The following MAGEA4 variants were observed in gnomAD, a reference collection of about 807,000 sequenced individuals.
MAGEA4 encodes MAGE family member A4, also known as melanoma-associated antigen 4.
Under a neutral mutation model 13.7 loss-of-function variants are expected in MAGEA4, and 1 was observed. The ratio of observed to expected loss-of-function variants is 0.07; its 90% CI spans 0.03 to 0.35. The LOEUF (loss-of-function observed/expected upper bound fraction) is 0.35. MAGEA4 is among the 10% of genes least tolerant of loss of function. MAGEA4 has a pLI of 0.99. For synonymous variants in MAGEA4, 132 were observed against 101.1 expected (o/e 1.31, Z -1.83); for missense variants, 312 against 245.1 (o/e 1.27, Z -1.82).
chrX:151,923,369 C>A, intron 1 of MAGEA4, 84 bp from the exon 2 acceptor site: 3 of 774,003 alleles, frequency 3.9e-6, no homozygotes, highest in Non-Finnish European at 5.5e-6. Context: ...AAGAGTCTGG[C>A]CTCACCTCCC....
At position 151,925,165 on chromosome X, in the gene MAGEA4, T is replaced by G. The variant is rs1174453114; in HGVS notation, c.*547T>G. ...TTAAATCTGAATAAATAATTCTTTC[T>G]GTTAACTGGCTCATTTCTTCTCTAT... On this transcript the variant is annotated 3_prime_UTR_variant, in exon 3 of 3. Transcript: ENST00000276344. 1 of 115,623 alleles carries G rather than the reference T, an allele frequency of 8.6e-6. No homozygotes were observed. The highest frequency in any genetic ancestry group is 3.2e-5 in the African/African-American group (1 of 30,888). The allele number at this position is 115,623 out of a possible 1,213,427, so 9.5% of individuals were successfully genotyped here. A position where few individuals can be genotyped will look rare whatever the true frequency, so the allele number is the denominator to read the frequency against.
rs774882003 is a variant in MAGEA4 at position 151,919,658 on chromosome X, G to C, written c.-137-3795G>C. On this transcript the variant is annotated intron_variant, in intron 1 of 2. Transcript: ENST00000276344. The stretch of plus-strand genomic sequence containing the variant: ...ATTGGGGGTTAGAGAAAAGCGAGCT[G>C]CTCTGTCTGACCAGCAGCTTGGGAC... The C allele has an allele frequency of 5.2e-4, 392 of 751,155 alleles. 1 individual carries two copies. In the African/African-American group the frequency reaches 8.2e-3, roughly 16 times the overall value. The allele number at this position is 751,155 out of a possible 1,213,427, so 61.9% of individuals were successfully genotyped here.
intron 1 of MAGEA4, among the ~76,000 whole-genome samples, chrX:151,922,986 C>T: frequency 8.9e-6 from 1 of 112,440 alleles, no homozygotes; most frequent in Non-Finnish European, 1.9e-5. Flanking sequence ...AGGTCCTGTT[C>T]CCTCTCAGGC....
At chrX:151,912,659 T>C, upstream of MAGEA4, 1 of 207,709 alleles carries the variant, frequency 4.8e-6, no homozygotes, top group South Asian at 4.1e-5. Context: ...CCTAACCCAA[T>C]CCACACCCTC....
chrX:151,923,422 C>T (rs1468421612), intron 1 of MAGEA4, 31 bp from the exon 2 acceptor site: 14 of 1,144,179 alleles, frequency 1.2e-5, no homozygotes, highest in Middle Eastern at 2.5e-4. Context: ...GCCGGCTATA[C>T]CCTGAGGTGC....
In MAGEA4 at chrX:151,923,784, C is replaced by T. The variant is rs373247834; in HGVS notation, c.120C>T (p.Val40=). Residue 40 remains valine (V), a synonymous_variant, in exon 3 of 3, where the codon GTC becomes GTT. Transcript: ENST00000276344. ...CTACTGAGGAGCAGGAGGCTGCTGTCTCCTCCTCCTCTCCTCTGGTCCCTG... is the reference window on the plus strand; with the variant it reads ...CTACTGAGGAGCAGGAGGCTGCTGTTTCCTCCTCCTCTCCTCTGGTCCCTG... The part of the protein sequence containing the change: ...APTTEEQEAA[V]SSSSPLVPGT... 8.4e-7 allele frequency: 1 copy of T among 1,193,947 alleles called. No homozygotes were observed. The highest frequency in any genetic ancestry group is 2.0e-5 in the African/African-American group (1 of 49,046).
intron 1 of MAGEA4, among the ~76,000 whole-genome samples, chrX:151,922,727 A>G (rs1352832072): frequency 9.0e-6 from 1 of 111,356 alleles, no homozygotes; most frequent in Non-Finnish European, 1.9e-5. Context: ...CACCCCAGAG[A>G]GCATGGGCTT....
In MAGEA4 at chrX:151,924,579, G is replaced by A. The variant is rs1389733382; in HGVS notation, c.915G>A (p.Leu305=). The A allele has an allele frequency of 2.5e-6, 3 of 1,196,044 alleles. No homozygotes were observed. Among genetic ancestry groups the A allele is most frequent in the Non-Finnish European group, 3.4e-6 (3 of 887,137 alleles). ...NARVRIAYPS[L]REAALLEEEE... The stretch of plus-strand genomic sequence containing the variant: ...GAGTTCGCATTGCCTACCCATCCCT[G>A]CGTGAAGCAGCTTTGTTAGAGGAGG... The change falls in exon 3 of 3, where the codon CTG becomes CTA. Residue 305 remains leucine (L), a synonymous_variant. Transcript: ENST00000276344.
chrX:151,924,499 C>G lies in MAGEA4; in HGVS notation c.835C>G (p.Leu279Val). Residue 279 changes from leucine to valine, a missense_variant, in exon 3 of 3, where the codon CTG becomes GTG. Coordinates refer to ENST00000276344, the MANE Select transcript of MAGEA4 (RefSeq NM_001011548.1). ...RYEFLWGPRA[L>V]AETSYVKVLE... ...TGAGTTCCTGTGGGGTCCAAGGGCT[C>G]TGGCTGAAACCAGCTATGTGAAAGT... 1 of 1,211,974 alleles carries G rather than the reference C, an allele frequency of 8.3e-7. No homozygotes were observed. Among genetic ancestry groups the G allele is most frequent in the Non-Finnish European group, 1.1e-6 (1 of 895,588 alleles).
chrX:151,924,587 C>A lies in MAGEA4; in HGVS notation c.923C>A (p.Ala308Glu). The A allele has an allele frequency of 8.4e-7, 1 of 1,195,085 alleles. No homozygotes were observed. The highest frequency in any genetic ancestry group is 1.1e-6 in the Non-Finnish European group (1 of 886,501). Residue 308 changes from alanine (A) to glutamate (E), a missense_variant, in exon 3 of 3, where the codon GCA becomes GAA. Physicochemically the swap from Ala to Glu is moderately radical, Grantham distance 107. Transcript: ENST00000276344. ...ATTGCCTACCCATCCCTGCGTGAAG[C>A]AGCTTTGTTAGAGGAGGAAGAGGGA... Reference protein sequence around the residue: ...VRIAYPSLREAALLEEEEGV With the variant: ...VRIAYPSLREEALLEEEEGV
At position 151,923,594 on chromosome X, in the gene MAGEA4, C is replaced by T; in HGVS notation, c.-65-6C>T. 1.7e-6 allele frequency: 2 copies of T among 1,210,929 alleles called. No homozygotes were observed. Among genetic ancestry groups the T allele is most frequent in the African/African-American group, 1.7e-5 (1 of 57,821 alleles). On this transcript the variant is annotated splice_region_variant and splice_polypyrimidine_tract_variant and intron_variant, in intron 2 of 2. Coordinates refer to ENST00000276344, the MANE Select transcript of MAGEA4 (RefSeq NM_001011548.1). ...GAGGTCTCTCACATGCTCCCTCTCTCCGTAGGCCTGTGGGTCCCCATTGCC... is the reference window on the plus strand; with the variant it reads ...GAGGTCTCTCACATGCTCCCTCTCTTCGTAGGCCTGTGGGTCCCCATTGCC...
In MAGEA4 at chrX:151,920,976, G is replaced by A. The variant is rs1933409100; in HGVS notation, c.-137-2477G>A. On this transcript the variant is annotated intron_variant, in intron 1 of 2. Transcript: ENST00000276344. ...TCCCCACCTCCGCCCCCTTCGCAAC[G>A]CGTTTGTTTAAGCCACAGGGGACTC... 5.4e-5 allele frequency among the ~76,000 whole-genome samples: 6 copies of A among 111,231 alleles called. No homozygotes were observed. The South Asian group carries it at 1.9e-3, about 35-fold the overall frequency.
At chrX:151,920,335 C>T (rs1313124817) in intron 1 of MAGEA4, among the ~76,000 whole-genome samples, 2 of 109,701 alleles carry the variant, frequency 1.8e-5, no homozygotes, top group African/African-American at 3.3e-5. Context: ...CCCAGATAGA[C>T]GACCCCAAAT....
chrX:151,923,380 T>A (rs1431992043), intron 1 of MAGEA4, 73 bp from the exon 2 acceptor site: 27 of 894,836 alleles, frequency 3.0e-5, no homozygotes, highest in Non-Finnish European at 4.2e-5. Flanking sequence ...CTCACCTCCC[T>A]ACCATCAATC....
In MAGEA4 at chrX:151,922,229, C is replaced by T. The variant is rs754555945; in HGVS notation, c.-137-1224C>T. Among the ~76,000 whole-genome samples the T allele has an allele frequency of 2.7e-5, 3 of 111,708 alleles. No individual in the cohort carries two copies. In the East Asian group the frequency reaches 8.6e-4, roughly 32 times the overall value. The stretch of plus-strand genomic sequence containing the variant: ...AAAGACGGGACCCCACAGAGTCTGG[C>T]TGTCCCCTGTTCTTAGCTCAGGGGG... On this transcript the variant is annotated intron_variant, in intron 1 of 2. Transcript: ENST00000276344.
rs1318906669 is a variant in MAGEA4, at chrX:151,925,092, AT to A, written c.*475del. 1 of 122,027 alleles carries A rather than the reference AT, an allele frequency of 8.2e-6. No individual in the cohort carries two copies. The highest frequency in any genetic ancestry group is 3.2e-5 in the African/African-American group (1 of 30,892). The allele number at this position is 122,027 out of a possible 1,213,427, so 10.1% of individuals were successfully genotyped here. A position where few individuals can be genotyped will look rare whatever the true frequency, so the allele number is the denominator to read the frequency against. On this transcript the variant is annotated 3_prime_UTR_variant, in exon 3 of 3. Transcript: ENST00000276344. ...CAGTCTATTCTGTAAAATTTAAAAA[AT>A]ATATATGCATACCTGGATTTCCTTG...
At chrX:151,921,895 C>A (rs1199505377) in intron 1 of MAGEA4, among the ~76,000 whole-genome samples, 1 of 110,883 alleles carries the variant, frequency 9.0e-6, no homozygotes, top group Non-Finnish European at 1.9e-5. Context: ...CTTTTAGCCT[C>A]AGGAATCCAA....
intron 1 of MAGEA4, among the ~76,000 whole-genome samples, chrX:151,920,952 C>T (rs372346213): frequency 3.6e-5 from 4 of 110,828 alleles, no homozygotes; most frequent in African/African-American, 1.3e-4. Context: ...CTGGGCTGCT[C>T]CCCACCTCCG....
Position 151,924,221 on chromosome X carries a change from C to A in MAGEA4, c.557C>A (p.Ser186Tyr). 1 of 1,210,411 alleles carries A rather than the reference C, an allele frequency of 8.3e-7. No homozygotes were observed. Among genetic ancestry groups the A allele is most frequent in the Non-Finnish European group, 1.1e-6 (1 of 894,725 alleles). Reference protein sequence around the residue: ...TYTLVTCLGLSYDGLLGNNQI... With the variant: ...TYTLVTCLGLYYDGLLGNNQI... ...ACCCTTGTCACCTGCCTGGGCCTTT[C>A]CTATGATGGCCTGCTGGGTAATAAT... The change falls in exon 3 of 3, where the codon TCC becomes TAC. Residue 186 changes from serine (S) to tyrosine (Y), a missense_variant. Physicochemically the swap from Ser to Tyr is moderately radical, Grantham distance 144. Transcript: ENST00000276344.
Sources: gnomAD v4.1 joint callset for allele counts (sites outside exome capture counted in the v4.1 genomes callset) on GRCh38, gnomAD v4.1.1 for gene constraint, MANE v1.5 for transcripts, NCBI Gene and HGNC (gene_info 2026-07-23, HGNC 2026-07-21) for gene names.